Variants in EXPH5 observed in about 807,000 individuals in gnomAD.
EXPH5 encodes exophilin-5.
A neutral mutation model predicts 41.1 loss-of-function variants in EXPH5; 42 were observed. The observed-to-expected ratio is 1.02, with a 90% confidence interval of 0.80 to 1.32. The LOEUF (loss-of-function observed/expected upper bound fraction) is 1.32, where lower values mean the gene tolerates loss of function less well. EXPH5 is among the 40% of genes most tolerant of loss of function. The pLI, the probability that EXPH5 is intolerant of heterozygous loss-of-function variation, is 0.00. For missense variants in EXPH5, 2,298 were observed against 2,314.5 expected, an observed-to-expected ratio of 0.99 and a Z score of 0.15; for synonymous variants, 798 against 833.5, an observed-to-expected ratio of 0.96 and a Z score of 0.73.
chr11:108,514,504 C>G lies in EXPH5; in HGVS notation c.1003G>C (p.Gly335Arg), dbSNP rs1372301302. ...TGTAAGCTTCTTGCTGTGAAATGCC[C>G]TGTGGCTGGTAAGGCCGACCGTTGC... Reference protein sequence around the residue: ...SRQRSALPATGHFTARSLHFP... With the variant: ...SRQRSALPATRHFTARSLHFP... Residue 335 changes from glycine (G) to arginine (R), a missense_variant, in exon 6 of 6, where the codon GGG (glycine) becomes CGG (arginine). By Grantham distance (125) the Gly-to-Arg change is moderately radical. Coordinates refer to ENST00000265843, the MANE Select transcript of EXPH5 (RefSeq NM_015065.3). 6.2e-7 allele frequency: 1 copy of G among 1,612,772 alleles called. No individual in the cohort carries two copies. The highest frequency in any genetic ancestry group is 1.7e-5 in the Admixed American group (1 of 59,910).
At chr11:108,578,480 T>A (rs1340336200) in intron 1 of EXPH5, among the ~76,000 whole-genome samples, 1 of 152,228 alleles carries the variant, frequency 6.6e-6, no homozygotes, top group African/African-American at 2.4e-5. Context: ...GACTTCAGCT[T>A]TGCTCTTTTT....
intron 3 of EXPH5, among the ~76,000 whole-genome samples, chr11:108,532,368 T>TATATATATATATA (rs1565800742): frequency 6.6e-4 from 18 of 27,156 alleles, no homozygotes; most frequent in Admixed American, 9.0e-4. Flanking sequence ...ATATATATAT[T>TATATATATATATA]TTTTTTTTTT....
At chr11:108,525,057 T>A (rs1359653656) in intron 4 of EXPH5, among the ~76,000 whole-genome samples, 1 of 152,222 alleles carries the variant, frequency 6.6e-6, no homozygotes, top group Non-Finnish European at 1.5e-5. Flanking sequence ...TGAGATCTGA[T>A]GGTTTTATAA....
At chr11:108,567,607 A>G (rs2094040214) in intron 1 of EXPH5, among the ~76,000 whole-genome samples, 1 of 152,146 alleles carries the variant, frequency 6.6e-6, no homozygotes, top group African/African-American at 2.4e-5. Flanking sequence ...CTTTGCATTT[A>G]CCATAGCAGA....
At chr11:108,591,349 T>A in intron 1 of EXPH5, among the ~76,000 whole-genome samples, 1 of 152,198 alleles carries the variant, frequency 6.6e-6, no homozygotes, top group East Asian at 1.9e-4. Context: ...CAATATCTGA[T>A]ACTGAAATTA....
At chr11:108,518,620 G>A (rs2093743222) in intron 4 of EXPH5, among the ~76,000 whole-genome samples, 1 of 152,124 alleles carries the variant, frequency 6.6e-6, no homozygotes, top group South Asian at 2.1e-4. Context: ...GCCTCTCTCT[G>A]CCAAGTTTCC....
intron 4 of EXPH5, among the ~76,000 whole-genome samples, chr11:108,527,750 T>C (rs1017878777): frequency 1.3e-5 from 2 of 152,236 alleles, no homozygotes; most frequent in African/African-American, 4.8e-5. Flanking sequence ...GGCTTCCTCT[T>C]TGAGTACAAA....
rs370254735 is a variant in EXPH5 at position 108,514,105 on chromosome 11, G to A, written c.1402C>T (p.Arg468Ter). 1.6e-5 allele frequency: 26 copies of A among 1,613,564 alleles called. No homozygotes were observed. Among genetic ancestry groups the A allele is most frequent in the East Asian group, 1.6e-4 (7 of 44,900 alleles). ...CCAAATCTCCTCTGTTCTCCGCTTC[G>A]TCCAAAGGTATTGCTGAAGAAAGAT... is the stretch of plus-strand genomic sequence containing the variant. ...TRSFFSNTFG[R>*]SGEQRRFGQG... The change falls in exon 6 of 6, where the codon CGA becomes TGA. Residue 468 changes from arginine (R) to a stop codon, truncating the protein, a stop_gained. Transcript: ENST00000265843. LOFTEE classifies it low-confidence loss of function (END_TRUNC).
At chr11:108,539,398 T>G (rs1193466526) in intron 2 of EXPH5, among the ~76,000 whole-genome samples, 4 of 152,150 alleles carry the variant, frequency 2.6e-5, no homozygotes, top group Non-Finnish European at 5.9e-5. Flanking sequence ...AAAACTCAAA[T>G]TAGTAGGGAA....
chr11:108,535,228 C>T (rs1430551512), intron 3 of EXPH5, among the ~76,000 whole-genome samples: 2 of 152,144 alleles, frequency 1.3e-5, no homozygotes, highest in East Asian at 3.8e-4. Flanking sequence ...TCAAAAGCAC[C>T]AGGTTGGAGC....
intron 1 of EXPH5, among the ~76,000 whole-genome samples, chr11:108,565,879 C>T (rs2094032417): frequency 6.6e-6 from 1 of 152,210 alleles, no homozygotes; most frequent in Non-Finnish European, 1.5e-5. Flanking sequence ...CCAACTTTCT[C>T]TTTTGTTTAC....
At position 108,593,481 on chromosome 11, in the gene EXPH5, C is replaced by T. The variant is rs1230786617; in HGVS notation, c.56G>A (p.Arg19Lys). The change falls in exon 1 of 6, where the codon AGG becomes AAG. Residue 19 changes from arginine (R) to lysine (K), a missense_variant. Coordinates refer to ENST00000265843, the MANE Select transcript of EXPH5 (RefSeq NM_015065.3). ...DFSFLNDEEA[R>K]KILQVLERNE... ...CCTTTCCAGCACCTGAAGGATCTTC[C>T]TGGCCTCTTCGTCATTTAAGAAACT... is the stretch of plus-strand genomic sequence containing the variant. The T allele has an allele frequency of 1.2e-6, 2 of 1,614,214 alleles. No homozygotes were observed. The highest frequency in any genetic ancestry group is 1.7e-5 in the Admixed American group (1 of 60,030).
chr11:108,548,109 TAAAAAAAA>T (rs66485994), intron 1 of EXPH5, among the ~76,000 whole-genome samples: 8 of 108,200 alleles, frequency 7.4e-5, no homozygotes, highest in African/African-American at 1.2e-4. Context: ...ACTTCATCTT[TAAAAAAAA>T]AAAAAAAAAA....
intron 1 of EXPH5, chr11:108,568,186 G>GGT (rs1231493087): frequency 1.4e-5 from 2 of 142,368 alleles, no homozygotes; most frequent in African/African-American, 5.4e-5. Context: ...GGGAGGGGGG[G>GGT]AGGGCGTCTC....
intron 3 of EXPH5, among the ~76,000 whole-genome samples, chr11:108,533,456 G>A (rs2093857307): frequency 6.6e-6 from 1 of 152,158 alleles, no homozygotes. Context: ...ACCTGCCTCG[G>A]CTTCCCAAAG....
At position 108,513,754 on chromosome 11, in the gene EXPH5, T is replaced by C; in HGVS notation, c.1753A>G (p.Met585Val). 3 of 1,609,122 alleles carry C rather than the reference T, an allele frequency of 1.9e-6. No homozygotes were observed. Among genetic ancestry groups the C allele is most frequent in the African/African-American group, 1.3e-5 (1 of 74,870 alleles). ...PHFGTPNVCS[M>V]TGSSYHVKSS... ...TTGACGTGATAGCTTGAACCAGTCA[T>C]GGAGCAAACATTTGGTGTGCCAAAA... The change falls in exon 6 of 6, where the codon ATG becomes GTG. Residue 585 changes from methionine to valine, a missense_variant. Met to Val is a conservative substitution (Grantham distance 21, BLOSUM62 1). Coordinates refer to ENST00000265843, the MANE Select transcript of EXPH5 (RefSeq NM_015065.3).
intron 1 of EXPH5, among the ~76,000 whole-genome samples, chr11:108,570,747 C>T (rs78221931): frequency 0.022 from 3,327 of 152,164 alleles, 65 homozygotes; most frequent in Middle Eastern, 0.068. Context: ...GGTCTCGCTA[C>T]GTTGTTCAGG....
intron 3 of EXPH5, among the ~76,000 whole-genome samples, chr11:108,534,350 A>G (rs1199400846): frequency 2.0e-5 from 3 of 152,188 alleles, no homozygotes; most frequent in Non-Finnish European, 2.9e-5. Context: ...AAAAGTATTA[A>G]TGGTTCCCCA....
intron 1 of EXPH5, among the ~76,000 whole-genome samples, chr11:108,565,403 C>G (rs992373437): frequency 6.6e-6 from 1 of 152,222 alleles, no homozygotes; most frequent in African/African-American, 2.4e-5. Flanking sequence ...TTGGCCACTA[C>G]AGCACACCAC....
Sources: allele counts gnomAD v4.1 joint callset (sites outside exome capture counted in the v4.1 genomes callset), GRCh38; gene constraint gnomAD v4.1.1; transcripts MANE v1.5; gene names NCBI Gene and HGNC (gene_info 2026-07-23, HGNC 2026-07-21).